The following LRRC7 variants were observed in gnomAD, a reference collection of about 807,000 sequenced individuals.
The protein encoded by LRRC7 is leucine-rich repeat-containing protein 7.
Under a neutral mutation model 175.7 loss-of-function variants are expected in LRRC7, and 23 were observed. That is an observed-to-expected ratio of 0.13 (90% confidence interval 0.09 to 0.19). LRRC7 has a LOEUF of 0.19. Ranked by LOEUF, LRRC7 falls within the 10% of genes least tolerant of loss-of-function variation. The probability of loss-of-function intolerance (pLI) is 1.00; values close to 1 mark genes in which losing one functional copy is unlikely to be tolerated. For missense variants in LRRC7, 1,354 were observed against 1,904.7 expected, an observed-to-expected ratio of 0.71 and a Z score of 5.38; for synonymous variants, 685 against 680.9, an observed-to-expected ratio of 1.01 and a Z score of -0.09.
intron 3 of LRRC7, among the ~76,000 whole-genome samples, chr1:69,777,036 A>G (rs552825415): frequency 6.6e-6 from 1 of 152,236 alleles, no homozygotes; most frequent in African/African-American, 2.4e-5. Flanking sequence ...CTTTCTACCA[A>G]GAGCCCTAAA....
chr1:69,953,406 C>T lies in LRRC7; in HGVS notation c.711+21836C>T, dbSNP rs17131093. Among the ~76,000 whole-genome samples, 1,152 of 152,110 alleles carry T rather than the reference C, an allele frequency of 7.6e-3. 14 individuals carry two copies. Among genetic ancestry groups the T allele is most frequent in the African/African-American group, 0.027 (1,102 of 41,528 alleles). Reference sequence around the variant, plus strand: ...TCTTCCCCTCCTCTAAACTCCTCTACAAAGAGATCTGTACTGCACCCATTA... The same window carrying T: ...TCTTCCCCTCCTCTAAACTCCTCTATAAAGAGATCTGTACTGCACCCATTA... On this transcript the variant is annotated intron_variant, in intron 8 of 26. Transcript: ENST00000651989.
chr1:70,103,266 T>C (rs1408111171), intron 25 of LRRC7, among the ~76,000 whole-genome samples: 1 of 151,042 alleles, frequency 6.6e-6, no homozygotes, highest in Non-Finnish European at 1.5e-5. Flanking sequence ...TTCAGAACTG[T>C]GAATATGTTA....
At chr1:69,951,801 G>A (rs969414814) in intron 8 of LRRC7, among the ~76,000 whole-genome samples, 1 of 151,994 alleles carries the variant, frequency 6.6e-6, no homozygotes, top group African/African-American at 2.4e-5. Context: ...GATGGAGGGT[G>A]GGAGAAGGGA....
chr1:69,637,200 G>A (rs1191300621), intron 1 of LRRC7, among the ~76,000 whole-genome samples: 1 of 151,828 alleles, frequency 6.6e-6, no homozygotes, highest in Non-Finnish European at 1.5e-5. Context: ...TCATTTTGAG[G>A]AGGTAGGTTT....
Position 69,567,996 on chromosome 1 carries a change from C to T in LRRC7, c.-644C>T, listed in dbSNP as rs1424640578. Among the ~76,000 whole-genome samples the T allele has an allele frequency of 6.6e-6, 1 of 152,094 alleles. No individual in the cohort carries two copies. Among genetic ancestry groups the T allele is most frequent in the Non-Finnish European group, 1.5e-5 (1 of 68,028 alleles). On this transcript the variant is annotated 5_prime_UTR_variant, in exon 1 of 27. Transcript: ENST00000651989. Reference sequence around the variant, plus strand: ...CTCCGGGTGAACACCGGGCTTGAAGCCACGGACACCCAGCCCCAGTGCAGC... The same window carrying T: ...CTCCGGGTGAACACCGGGCTTGAAGTCACGGACACCCAGCCCCAGTGCAGC...
At chr1:69,697,878 C>A (rs974310026) in intron 2 of LRRC7, among the ~76,000 whole-genome samples, 1 of 152,182 alleles carries the variant, frequency 6.6e-6, no homozygotes, top group African/African-American at 2.4e-5. Context: ...TGCATCTAGC[C>A]TCATCCCATG....
intron 2 of LRRC7, among the ~76,000 whole-genome samples, chr1:69,754,864 T>C (rs1291505774): frequency 3.9e-5 from 6 of 151,960 alleles, no homozygotes; most frequent in Non-Finnish European, 8.8e-5. Flanking sequence ...TGTACAGTCA[T>C]CCACTTACCA....
intron 22 of LRRC7, among the ~76,000 whole-genome samples, chr1:70,050,125 A>G (rs1048324401): frequency 6.6e-6 from 1 of 152,134 alleles, no homozygotes; most frequent in Non-Finnish European, 1.5e-5. Flanking sequence ...ACATATATAC[A>G]TAAGAACACA....
At chr1:69,899,489 G>GT (rs571564810) in intron 7 of LRRC7, among the ~76,000 whole-genome samples, 1 of 152,168 alleles carries the variant, frequency 6.6e-6, no homozygotes, top group South Asian at 2.1e-4. Context: ...CCATATCACT[G>GT]TAACTCAGGA....
intron 10 of LRRC7, among the ~76,000 whole-genome samples, chr1:69,990,233 C>T (rs549901298): frequency 6.6e-6 from 1 of 151,852 alleles, no homozygotes; most frequent in Admixed American, 6.6e-5. Context: ...TTTAGTTTAC[C>T]AACTTAATTT....
At chr1:69,754,081 G>C (rs184393216) in intron 2 of LRRC7, among the ~76,000 whole-genome samples, 3 of 152,090 alleles carry the variant, frequency 2.0e-5, no homozygotes, top group East Asian at 3.9e-4. Context: ...TTGTGCAATG[G>C]GGCTGGGTGT....
At chr1:69,834,285 A>C (rs1264332949) in intron 5 of LRRC7, among the ~76,000 whole-genome samples, 2 of 152,148 alleles carry the variant, frequency 1.3e-5, no homozygotes, top group Admixed American at 1.3e-4. Context: ...TTAAGGGGAC[A>C]ACATACTCCT....
chr1:69,766,610 G>A (rs538931269), intron 3 of LRRC7, among the ~76,000 whole-genome samples: 138 of 152,244 alleles, frequency 9.1e-4, no homozygotes, highest in African/African-American at 3.1e-3. Flanking sequence ...CTGGAGGCAC[G>A]TTGATGGTGT....
At chr1:69,887,934 G>A (rs1361651749) in intron 7 of LRRC7, among the ~76,000 whole-genome samples, 3 of 144,060 alleles carry the variant, frequency 2.1e-5, no homozygotes, top group Admixed American at 1.4e-4. Context: ...CTGCTCAGGG[G>A]TCAGGGGTCA....
At chr1:69,878,162 A>G (rs977238917) in intron 7 of LRRC7, among the ~76,000 whole-genome samples, 7 of 152,162 alleles carry the variant, frequency 4.6e-5, no homozygotes, top group African/African-American at 1.7e-4. Context: ...AGGTATTTGT[A>G]AAGATTGGAC....
rs35639787 is a variant in LRRC7 at position 70,054,578 on chromosome 1, CTTTTTTTTTTTT to C, written c.4230+1453_4230+1464del. ...TTGAATTATGGTTCTTTACACTCTA[CTTTTTTTTTTTT>C]TTTTTTTTTTTTTTTTTTTGAGACG... On this transcript the variant is annotated intron_variant, in intron 23 of 26. Transcript: ENST00000651989. 1.2e-3 allele frequency among the ~76,000 whole-genome samples: 62 copies of C among 53,838 alleles called. 1 individual carries two copies. In the East Asian group the frequency reaches 0.017, roughly 15 times the overall value. 35.3% of individuals were successfully genotyped at this position (53,838 alleles called of 152,430 possible). A position where few individuals can be genotyped will look rare whatever the true frequency, so the allele number is the denominator to read the frequency against.
intron 1 of LRRC7, among the ~76,000 whole-genome samples, chr1:69,636,904 G>A (rs536096915): frequency 1.3e-5 from 2 of 151,948 alleles, no homozygotes; most frequent in South Asian, 4.1e-4. Flanking sequence ...TATCTGACTG[G>A]ATTTAATTTG....
intron 7 of LRRC7, among the ~76,000 whole-genome samples, chr1:69,898,782 C>T (rs1175387888): frequency 1.3e-5 from 2 of 152,198 alleles, no homozygotes; most frequent in African/African-American, 2.4e-5. Context: ...ATCGCCTGAG[C>T]GCCCAATTCA....
chr1:69,713,987 G>A (rs1304373512), intron 2 of LRRC7, among the ~76,000 whole-genome samples: 1 of 151,862 alleles, frequency 6.6e-6, no homozygotes, highest in Non-Finnish European at 1.5e-5. Context: ...TAATCCCAAA[G>A]CTAAACTCAT....
Sources: gnomAD v4.1 joint callset for allele counts (sites outside exome capture counted in the v4.1 genomes callset) on GRCh38, gnomAD v4.1.1 for gene constraint, MANE v1.5 for transcripts, NCBI Gene and HGNC (gene_info 2026-07-23, HGNC 2026-07-21) for gene names.